SOX5: variants seen among roughly 807,000 people sequenced by gnomAD.
SOX5 encodes the protein SRY-box transcription factor 5.
Under a neutral mutation model 92.0 loss-of-function variants are expected in SOX5, and 9 were observed. The observed-to-expected ratio is 0.10, with a 90% CI of 0.06 to 0.17. SOX5 has a LOEUF of 0.17. SOX5 is among the 10% of genes least tolerant of loss of function. The probability of loss-of-function intolerance (pLI) is 1.00; values close to 1 mark genes in which losing one functional copy is unlikely to be tolerated. For missense variants in SOX5, 642 were observed against 944.5 expected (o/e 0.68, Z 4.20); for synonymous variants, 344 against 336.3 (o/e 1.02, Z -0.25).
intron 4 of SOX5, among the ~76,000 whole-genome samples, chr12:23,744,648 A>G (rs2093920368): frequency 1.3e-5 from 2 of 152,182 alleles, no homozygotes; most frequent in South Asian, 4.1e-4. Flanking sequence ...AATAATGATA[A>G]AAGTGTATAG....
intron 3 of SOX5, among the ~76,000 whole-genome samples, chr12:24,236,318 GT>G (rs1362049027): frequency 7.2e-5 from 11 of 152,270 alleles, no homozygotes; most frequent in Middle Eastern, 6.8e-3. Context: ...GTGCTGAGAG[GT>G]GTTGCTTGAT....
intron 4 of SOX5, among the ~76,000 whole-genome samples, chr12:24,051,195 C>A (rs908936583): frequency 3.3e-5 from 5 of 152,102 alleles, no homozygotes; most frequent in South Asian, 2.1e-4. Context: ...TTGATTTTTT[C>A]TTTCACCCAG....
chr12:23,623,773 A>G (rs113256190), intron 8 of SOX5, among the ~76,000 whole-genome samples: 2 of 152,258 alleles, frequency 1.3e-5, no homozygotes, highest in African/African-American at 4.8e-5. Flanking sequence ...ATCCATTAGG[A>G]TAACAATCAT....
At chr12:23,994,860 C>G (rs1950888800) in intron 4 of SOX5, among the ~76,000 whole-genome samples, 1 of 152,120 alleles carries the variant, frequency 6.6e-6, no homozygotes, top group Non-Finnish European at 1.5e-5. Flanking sequence ...CGTGAGAAAT[C>G]AAGCTGTTAC....
intron 1 of SOX5, among the ~76,000 whole-genome samples, chr12:24,432,034 G>T (rs60688352): frequency 6.6e-6 from 1 of 152,024 alleles, no homozygotes; most frequent in Non-Finnish European, 1.5e-5. Context: ...GGGTTTCCTC[G>T]CAGCCTCATG....
rs1949025594 is a variant in SOX5 at position 24,125,493 on chromosome 12, AT to A, written c.-2+87849del. 3.3e-5 allele frequency among the ~76,000 whole-genome samples: 5 copies of A among 152,316 alleles called. No individual in the cohort carries two copies. The South Asian group carries it at 1.0e-3, about 32-fold the overall frequency. ...GCTAAGATATTGCATCAAGCATGAA[AT>A]AACATCTTGCCTCCCCGTCGTTACA... On this transcript the variant is annotated intron_variant, in intron 4 of 4. Coordinates refer to the SOX5 transcript ENST00000446891.
chr12:24,282,137 G>T (rs989355825), intron 2 of SOX5, among the ~76,000 whole-genome samples: 1 of 152,040 alleles, frequency 6.6e-6, no homozygotes, highest in Non-Finnish European at 1.5e-5. Flanking sequence ...ACCTCCCTCA[G>T]TAAAAAGGAA....
intron 2 of SOX5, among the ~76,000 whole-genome samples, chr12:23,876,796 A>G (rs915657554): frequency 1.1e-4 from 16 of 152,324 alleles, no homozygotes; most frequent in Admixed American, 4.6e-4. Flanking sequence ...TATATACACC[A>G]TGGAATACTA....
intron 1 of SOX5, among the ~76,000 whole-genome samples, chr12:24,507,025 C>T (rs1445753319): frequency 6.6e-6 from 1 of 151,668 alleles, no homozygotes; most frequent in African/African-American, 2.4e-5. Context: ...TTCCTGACCT[C>T]GTGATCCGCC....
At chr12:23,887,198 G>A (rs1302589805) in intron 2 of SOX5, among the ~76,000 whole-genome samples, 6 of 152,104 alleles carry the variant, frequency 3.9e-5, no homozygotes, top group African/African-American at 1.4e-4. Context: ...AAAGCCCCAA[G>A]AGGCAACATA....
chr12:24,003,071 C>T (rs1011276586), intron 4 of SOX5, among the ~76,000 whole-genome samples: 31 of 151,982 alleles, frequency 2.0e-4, no homozygotes, highest in African/African-American at 7.5e-4. Context: ...TTGACTATCA[C>T]AATGAAGGCA....
chr12:23,550,868 C>T (rs151219647), intron 11 of SOX5, among the ~76,000 whole-genome samples: 2 of 152,074 alleles, frequency 1.3e-5, no homozygotes, highest in South Asian at 2.1e-4. Context: ...GCAGTCAAAA[C>T]AAAAGAACAC....
At chr12:24,090,800 A>G (rs1478049293) in intron 4 of SOX5, among the ~76,000 whole-genome samples, 2 of 152,198 alleles carry the variant, frequency 1.3e-5, no homozygotes, top group Admixed American at 6.5e-5. Context: ...GGGAAATGAT[A>G]TTTAGAGACA....
intron 2 of SOX5, among the ~76,000 whole-genome samples, chr12:24,301,099 C>A (rs1053043603): frequency 6.6e-6 from 1 of 152,198 alleles, no homozygotes. Flanking sequence ...AACCTTCTGC[C>A]ACGCGGAAGA....
intron 1 of SOX5, among the ~76,000 whole-genome samples, chr12:23,949,174 A>G (rs1945126208): frequency 6.6e-6 from 1 of 152,198 alleles, no homozygotes; most frequent in Admixed American, 6.5e-5. Context: ...AAATTACATG[A>G]GACAGAGATG....
At chr12:23,674,362 A>C (rs2085312296) in intron 6 of SOX5, among the ~76,000 whole-genome samples, 1 of 14,956 alleles carries the variant, frequency 6.7e-5, no homozygotes, top group Non-Finnish European at 1.6e-4. Context: ...TTTGAGACGG[A>C]GTTTCGCTGT....
chr12:24,414,554 A>T (rs1964683537), intron 1 of SOX5, among the ~76,000 whole-genome samples: 1 of 152,204 alleles, frequency 6.6e-6, no homozygotes, highest in Non-Finnish European at 1.5e-5. Context: ...TGGTCAAAGG[A>T]TAAAGCATCG....
intron 3 of SOX5, among the ~76,000 whole-genome samples, chr12:24,266,694 T>C (rs116537992): frequency 0.014 from 2,119 of 152,358 alleles, 31 homozygotes; most frequent in African/African-American, 0.042. Context: ...TAATTGCATC[T>C]GTTGAACATA....
At chr12:23,770,633 TA>T (rs2094902481) in intron 3 of SOX5, among the ~76,000 whole-genome samples, 1 of 152,190 alleles carries the variant, frequency 6.6e-6, no homozygotes. Flanking sequence ...TAGGCATGTT[TA>T]AACAACAGAA....
Sources: gnomAD v4.1 joint callset for allele counts (sites outside exome capture counted in the v4.1 genomes callset) on GRCh38, gnomAD v4.1.1 for gene constraint, MANE v1.5 for transcripts, NCBI Gene and HGNC (gene_info 2026-07-23, HGNC 2026-07-21) for gene names.